The following MED27 variants were observed in gnomAD, a reference collection of about 807,000 sequenced individuals.
The protein encoded by MED27 is mediator of RNA polymerase II transcription subunit 27.
In MED27, 30 loss-of-function variants were observed where a neutral mutation model predicts 38.2. That is an observed-to-expected ratio of 0.79 (90% confidence interval 0.59 to 1.07). The LOEUF (loss-of-function observed/expected upper bound fraction) is 1.07. Ranked by LOEUF, MED27 falls within the 50% of genes least tolerant of loss-of-function variation. The pLI, the probability that MED27 is intolerant of heterozygous loss-of-function variation, is 0.00. For missense variants in MED27, 289 were observed against 397.5 expected, an observed-to-expected ratio of 0.73 and a Z score of 2.32; for synonymous variants, 122 against 153.5, an observed-to-expected ratio of 0.79 and a Z score of 1.52.
chr9:131,963,565 G>A (rs1024452192), intron 3 of MED27, among the ~76,000 whole-genome samples: 1 of 152,148 alleles, frequency 6.6e-6, no homozygotes, highest in African/African-American at 2.4e-5. Flanking sequence ...GCTGGAGAAT[G>A]TGCCCTTTCT....
intron 6 of MED27, among the ~76,000 whole-genome samples, chr9:131,874,702 G>A (rs979173772): frequency 9.2e-5 from 14 of 152,174 alleles, no homozygotes; most frequent in Non-Finnish European, 1.9e-4. Context: ...GAGGAGACGC[G>A]CTGGGTCTTT....
chr9:132,023,203 T>C (rs533819377), intron 2 of MED27, among the ~76,000 whole-genome samples: 24 of 151,266 alleles, frequency 1.6e-4, no homozygotes, highest in Middle Eastern at 6.8e-3. Flanking sequence ...TTTCTCTTTT[T>C]CCCCCCCAAA....
chr9:132,047,906 G>A (rs945544504), intron 2 of MED27, among the ~76,000 whole-genome samples: 7 of 152,014 alleles, frequency 4.6e-5, no homozygotes, highest in African/African-American at 1.7e-4. Flanking sequence ...CTAGAAGGAG[G>A]TATAAAAATG....
chr9:131,894,048 A>G, intron 4 of MED27, 56 bp from the exon 5 acceptor site: 1 of 1,414,346 alleles, frequency 7.1e-7, no homozygotes. Flanking sequence ...AAAGTTGGGC[A>G]GGGGTGTGAG....
intron 4 of MED27, among the ~76,000 whole-genome samples, chr9:131,927,193 C>T (rs568390909): frequency 1.1e-4 from 17 of 152,298 alleles, no homozygotes; most frequent in African/African-American, 3.6e-4. Context: ...TTAATTTACA[C>T]AATACCAAAA....
At chr9:131,936,650 T>C (rs1830692106) in intron 4 of MED27, among the ~76,000 whole-genome samples, 2 of 152,234 alleles carry the variant, frequency 1.3e-5, no homozygotes, top group South Asian at 2.1e-4. Context: ...CTAAAAAACG[T>C]TGTCCTGATC....
chr9:131,884,216 A>G (rs1229737419), intron 5 of MED27, 117 bp from the exon 6 acceptor site: 11 of 683,910 alleles, frequency 1.6e-5, no homozygotes, highest in Non-Finnish European at 2.3e-5. Context: ...CTGATTATAG[A>G]ATAATAGGAT....
chr9:131,869,117 TTTC>T (rs1838784700), intron 6 of MED27: 2 of 985,334 alleles, frequency 2.0e-6, no homozygotes, highest in African/African-American at 3.5e-5. Context: ...AATCACTTGA[TTTC>T]TTCAATTTCC....
chr9:131,920,763 G>T (rs919394840), intron 4 of MED27, among the ~76,000 whole-genome samples: 4 of 152,044 alleles, frequency 2.6e-5, no homozygotes, highest in African/African-American at 9.7e-5. Flanking sequence ...AGGCCTTAAG[G>T]CAGCGCTGGG....
chr9:131,970,730 A>T, intron 3 of MED27, among the ~76,000 whole-genome samples: 1 of 152,248 alleles, frequency 6.6e-6, no homozygotes, highest in East Asian at 1.9e-4. Flanking sequence ...CAATGTTAGA[A>T]ATAAAGACCA....
chr9:132,036,917 A>C (rs1171337906), intron 2 of MED27, among the ~76,000 whole-genome samples: 2 of 152,208 alleles, frequency 1.3e-5, no homozygotes, highest in Non-Finnish European at 2.9e-5. Flanking sequence ...AGGACAGTCC[A>C]GGCCGAAGGA....
At chr9:131,981,929 G>A (rs1258387086) in intron 3 of MED27, among the ~76,000 whole-genome samples, 1 of 152,208 alleles carries the variant, frequency 6.6e-6, no homozygotes, top group African/African-American at 2.4e-5. Context: ...CAGGAGGAAA[G>A]CACCTAGGGA....
In MED27 at chr9:132,056,656, T is replaced by C. The variant is rs552791716; in HGVS notation, c.348+20786A>G. Reference sequence around the variant, plus strand: ...AGGGATGTTCAACCTGTATGAGCTCTTTCAGAAAAGCAACTTCTCAACTTT... The same window carrying C: ...AGGGATGTTCAACCTGTATGAGCTCCTTCAGAAAAGCAACTTCTCAACTTT... On this transcript the variant is annotated intron_variant, in intron 2 of 7. Transcript: ENST00000292035. 1.1e-4 allele frequency among the ~76,000 whole-genome samples: 17 copies of C among 152,314 alleles called. No homozygotes were observed. The South Asian group carries it at 3.5e-3, about 32-fold the overall frequency.
chr9:131,872,305 T>A lies in MED27; in HGVS notation c.724-9165A>T, dbSNP rs1838850851. ...ACAGAGACGCTCTTCCTAACGCACC[T>A]GCTGAGGGCATTATCTGCCAGCACA... On this transcript the variant is annotated intron_variant, in intron 6 of 7. Transcript: ENST00000292035. The surrounding 1 kb of genome is among the most constrained non-coding windows in gnomAD (Gnocchi z 5.6). Among the ~76,000 whole-genome samples the A allele has an allele frequency of 6.6e-6, 1 of 152,364 alleles. No homozygotes were observed. Among genetic ancestry groups the A allele is most frequent in the East Asian group, 1.9e-4 (1 of 5,184 alleles).
rs1421635662 is a variant in MED27, at chr9:132,079,563, C to A, written c.203+79G>T. On this transcript the variant is annotated intron_variant, in intron 1 of 7. Transcript: ENST00000292035. ...AAGGGAAACGGAGAACAGCCCCTGCCTGGGAAGACTCGAGCGACGTAGGGG... is the reference window on the plus strand; with the variant it reads ...AAGGGAAACGGAGAACAGCCCCTGCATGGGAAGACTCGAGCGACGTAGGGG... 41 of 1,353,574 alleles carry A rather than the reference C, an allele frequency of 3.0e-5. No individual in the cohort carries two copies. The Admixed American group carries it at 7.2e-4, about 24-fold the overall frequency. 83.8% of individuals were successfully genotyped at this position (1,353,574 alleles called of 1,614,324 possible).
chr9:132,000,260 C>T (rs1321670349), intron 3 of MED27, among the ~76,000 whole-genome samples: 1 of 151,880 alleles, frequency 6.6e-6, no homozygotes, highest in East Asian at 1.9e-4. Context: ...ACATGCTCAC[C>T]ACCATTACTC....
chr9:131,896,180 C>A (rs937643981), intron 4 of MED27, among the ~76,000 whole-genome samples: 3 of 152,172 alleles, frequency 2.0e-5, no homozygotes, highest in African/African-American at 4.8e-5. Flanking sequence ...GGATTACAGG[C>A]ACGAGCCACC....
chr9:132,021,152 G>C (rs899044806), intron 2 of MED27, among the ~76,000 whole-genome samples: 4 of 152,200 alleles, frequency 2.6e-5, no homozygotes, highest in African/African-American at 7.2e-5. Flanking sequence ...GAAGTAAACA[G>C]AGACGATGGA....
At chr9:132,077,770 T>C (rs1292205297) in intron 1 of MED27, among the ~76,000 whole-genome samples, 184 bp from the exon 2 acceptor site, 1 of 151,950 alleles carries the variant, frequency 6.6e-6, no homozygotes, top group Non-Finnish European at 1.5e-5. Flanking sequence ...TGAGAGTTTA[T>C]CTGACTTTAA....
Sources: gnomAD v4.1 joint callset for allele counts (sites outside exome capture counted in the v4.1 genomes callset) on GRCh38, gnomAD v4.1.1 for gene constraint, Gnocchi (gnomAD v3.1) non-coding constraint, MANE v1.5 for transcripts, NCBI Gene and HGNC (gene_info 2026-07-23, HGNC 2026-07-21) for gene names.